Variants in PLCE1 observed in about 807,000 individuals in gnomAD.
PLCE1 encodes phospholipase C epsilon 1, also known as 1-phosphatidylinositol 4,5-bisphosphate phosphodiesterase epsilon-1.
A neutral mutation model predicts 242.8 loss-of-function variants in PLCE1; 119 were observed. The ratio of observed to expected loss-of-function variants is 0.49; its 90% CI spans 0.42 to 0.57. PLCE1 has a LOEUF of 0.57. PLCE1 is among the 20% of genes least tolerant of loss of function. The pLI is 0.00. For missense variants in PLCE1, 2,441 were observed against 2,788.8 expected (o/e 0.88, Z 2.81); for synonymous variants, 945 against 1,017.4 (o/e 0.93, Z 1.35).
At chr10:94,263,161 C>T (rs919268432) in intron 14 of PLCE1, among the ~76,000 whole-genome samples, 1 of 152,064 alleles carries the variant, frequency 6.6e-6, no homozygotes, top group Non-Finnish European at 1.5e-5. Flanking sequence ...TGAGCCACTG[C>T]GCCCGACCTT....
In PLCE1 at chr10:94,069,314, G is replaced by A. The variant is rs138341905; in HGVS notation, c.1206+37062G>A. Reference sequence around the variant, plus strand: ...CAAGATCCAAAGCAGAAACTCTACCGAGGGACCAGGCATGGTGGTTCATGC... The same window carrying A: ...CAAGATCCAAAGCAGAAACTCTACCAAGGGACCAGGCATGGTGGTTCATGC... On this transcript the variant is annotated intron_variant, in intron 2 of 32. Coordinates refer to ENST00000371380, the MANE Select transcript of PLCE1 (RefSeq NM_016341.4). 9.4e-3 allele frequency among the ~76,000 whole-genome samples: 1,425 copies of A among 152,238 alleles called. 15 individuals carry two copies. Among genetic ancestry groups the A allele is most frequent in the Middle Eastern group, 0.044 (13 of 294 alleles).
intron 2 of PLCE1, among the ~76,000 whole-genome samples, chr10:94,125,022 C>T (rs1034896317): frequency 6.6e-6 from 1 of 152,100 alleles, no homozygotes; most frequent in Non-Finnish European, 1.5e-5. Flanking sequence ...TCAGATGAAT[C>T]CAATGTAGTC....
At chr10:94,153,885 G>A (rs1455391864) in intron 3 of PLCE1, among the ~76,000 whole-genome samples, 3 of 152,182 alleles carry the variant, frequency 2.0e-5, no homozygotes, top group South Asian at 2.1e-4. Context: ...AGACCTAAAC[G>A]AATGGAAAGA....
chr10:94,283,981 C>T (rs1233551199), intron 21 of PLCE1, 70 bp downstream of exon 21: 36 of 1,548,096 alleles, frequency 2.3e-5, no homozygotes, highest in Non-Finnish European at 3.1e-5. Context: ...GATGAGATTC[C>T]ACTTGCTCCC....
At chr10:94,211,626 A>T (rs1026132040) in intron 4 of PLCE1, among the ~76,000 whole-genome samples, 2 of 152,236 alleles carry the variant, frequency 1.3e-5, no homozygotes, top group African/African-American at 4.8e-5. Context: ...GCTATGAAAT[A>T]ACAGTTGGCC....
rs74786019 is a variant in PLCE1, at chr10:94,291,105, A to G, written c.5036-2403A>G. Among the ~76,000 whole-genome samples the G allele has an allele frequency of 2.4e-3, 370 of 152,322 alleles. 3 individuals are homozygous for G. Among genetic ancestry groups the G allele is most frequent in the African/African-American group, 8.6e-3 (356 of 41,582 alleles). ...CTTCCAGACAGATTAGGATTTCTGA[A>G]GGAAGATACCATCATATGCACTGGA... On this transcript the variant is annotated intron_variant, in intron 22 of 32. Coordinates refer to ENST00000371380, the MANE Select transcript of PLCE1 (RefSeq NM_016341.4).
intron 4 of PLCE1, among the ~76,000 whole-genome samples, chr10:94,180,990 C>T (rs1036080280): frequency 4.7e-4 from 71 of 152,218 alleles, no homozygotes; most frequent in African/African-American, 1.7e-3. Context: ...TGGACTAAGA[C>T]AGATAGCTTT....
At chr10:94,093,459 AG>A (rs2045156705) in intron 2 of PLCE1, among the ~76,000 whole-genome samples, 1 of 152,218 alleles carries the variant, frequency 6.6e-6, no homozygotes, top group African/African-American at 2.4e-5. Flanking sequence ...GCAGTGACTC[AG>A]TTGCAAGAAA....
intron 2 of PLCE1, among the ~76,000 whole-genome samples, chr10:94,091,220 T>C (rs181757960): frequency 6.6e-6 from 1 of 152,322 alleles, no homozygotes; most frequent in African/African-American, 2.4e-5. Context: ...GTGATCTTGA[T>C]GAAGGTTTTA....
rs1210989330 is a variant in PLCE1, at chr10:94,258,657, AAG to A, written c.3555-138_3555-137del. The A allele has an allele frequency of 1.7e-5, 15 of 899,662 alleles. No individual in the cohort carries two copies. The South Asian group carries it at 2.0e-4, about 12-fold the overall frequency. The allele number at this position is 899,662 out of a possible 1,614,324, so 55.7% of individuals were successfully genotyped here. On this transcript the variant is annotated intron_variant, in intron 11 of 32. Transcript: ENST00000371380. ...TACAATATAGGTTAAGAGATGTGAA[AAG>A]AGAGTACTGGAAAATAGCTTCAATC...
intron 30 of PLCE1, 109 bp from the exon 31 acceptor site, chr10:94,324,240 C>G: frequency 6.5e-5 from 54 of 827,114 alleles, no homozygotes; most frequent in Non-Finnish European, 9.6e-5. Flanking sequence ...TGGAAGATCC[C>G]CTTCATCTCT....
intron 7 of PLCE1, among the ~76,000 whole-genome samples, chr10:94,242,976 C>T (rs1213218265): frequency 6.6e-6 from 1 of 152,156 alleles, no homozygotes; most frequent in Non-Finnish European, 1.5e-5. Flanking sequence ...ATAACTTAGG[C>T]AGATTCTTCA....
At chr10:94,269,457 T>C (rs1041370660) in intron 17 of PLCE1, among the ~76,000 whole-genome samples, 11 of 152,126 alleles carry the variant, frequency 7.2e-5, no homozygotes, top group Non-Finnish European at 1.0e-4. Flanking sequence ...AGATCAAGGG[T>C]CTTTATGCTG....
intron 4 of PLCE1, among the ~76,000 whole-genome samples, chr10:94,189,558 C>CA (rs2048595700): frequency 6.6e-6 from 1 of 152,108 alleles, no homozygotes; most frequent in Non-Finnish European, 1.5e-5. Flanking sequence ...TGGGCAGGAT[C>CA]ATGCATGATG....
rs181177770 is a variant in PLCE1 at position 94,332,330 on chromosome 10, G to T, written c.*4387G>T. On this transcript the variant is annotated 3_prime_UTR_variant, in exon 33 of 33. Coordinates refer to ENST00000371380, the MANE Select transcript of PLCE1 (RefSeq NM_016341.4). ...GGGTACTGTCGCATTTTTCAAAAGCGTTATGTGGATGATTTGACTCAGCAT... is the reference window on the plus strand; with the variant it reads ...GGGTACTGTCGCATTTTTCAAAAGCTTTATGTGGATGATTTGACTCAGCAT... 9.9e-5 allele frequency: 15 copies of T among 152,194 alleles called. No homozygotes were observed. The highest frequency in any genetic ancestry group is 8.5e-4 in the Admixed American group (13 of 15,280). The allele number at this position is 152,194 out of a possible 1,614,324, so 9.4% of individuals were successfully genotyped here.
rs575048785 is a variant in PLCE1 at position 94,164,946 on chromosome 10, A to C, written c.1493-6234A>C. On this transcript the variant is annotated intron_variant, in intron 3 of 32. Transcript: ENST00000371380. ...GTATCAGCACCAGAGGCTGCAGAAC[A>C]GTGGATATTGGTGAACAGCAAATGT... 2.7e-3 allele frequency among the ~76,000 whole-genome samples: 409 copies of C among 152,316 alleles called. 6 individuals are homozygous for C. The highest frequency in any genetic ancestry group is 9.5e-3 in the African/African-American group (396 of 41,572).
At chr10:94,299,939 C>T (rs2052976070) in intron 24 of PLCE1, among the ~76,000 whole-genome samples, 1 of 152,194 alleles carries the variant, frequency 6.6e-6, no homozygotes, top group African/African-American at 2.4e-5. Flanking sequence ...GTTATGAAAA[C>T]AGTATGATTT....
intron 27 of PLCE1, 62 bp from the exon 28 acceptor site, chr10:94,313,192 C>A (rs974208971): frequency 1.3e-6 from 2 of 1,597,890 alleles, no homozygotes; most frequent in Non-Finnish European, 1.7e-6. Flanking sequence ...ACCTCTGTAT[C>A]AAATAGAGCT....
intron 3 of PLCE1, chr10:94,138,771 C>A: frequency 4.4e-6 from 1 of 227,712 alleles, no homozygotes; most frequent in Non-Finnish European, 8.7e-6. Flanking sequence ...TACTTTGGAC[C>A]AGATTTCAAG....
Sources: gnomAD v4.1 joint callset for allele counts (sites outside exome capture counted in the v4.1 genomes callset) on GRCh38, gnomAD v4.1.1 for gene constraint, MANE v1.5 for transcripts, NCBI Gene and HGNC (gene_info 2026-07-23, HGNC 2026-07-21) for gene names.